EED: variants seen among roughly 807,000 people sequenced by gnomAD.
EED encodes polycomb protein EED.
EED carries 9 observed loss-of-function variants against 61.0 expected under a neutral mutation model. The observed-to-expected ratio is 0.15, with a 90% CI of 0.09 to 0.26. EED has a LOEUF of 0.26. EED is among the 10% of genes least tolerant of loss of function. The pLI, the probability that EED is intolerant of heterozygous loss-of-function variation, is 1.00. For synonymous variants in EED, 187 were observed against 174.4 expected (o/e 1.07, Z -0.57); for missense variants, 315 against 542.3 (o/e 0.58, Z 4.16).
intron 6 of EED, 151 bp downstream of exon 6, chr11:86,257,747 C>A (rs2138164502): frequency 3.4e-6 from 2 of 588,186 alleles, no homozygotes; most frequent in Admixed American, 3.7e-5. Flanking sequence ...CAAAAAAACA[C>A]AACCACAACC....
chr11:86,249,878 G>A (rs1945485345), intron 1 of EED, among the ~76,000 whole-genome samples: 1 of 152,200 alleles, frequency 6.6e-6, no homozygotes, highest in Admixed American at 6.5e-5. Context: ...AATACATTAT[G>A]AAGACATATA....
At chr11:86,246,108 T>G (rs766513396) in intron 1 of EED, among the ~76,000 whole-genome samples, 1 of 152,240 alleles carries the variant, frequency 6.6e-6, no homozygotes, top group African/African-American at 2.4e-5. Flanking sequence ...TGTTTTGCAA[T>G]CAGATTTTTT....
In EED at chr11:86,250,443, C is replaced by A; in HGVS notation, c.262C>A (p.Leu88Ile). The A allele has an allele frequency of 6.3e-7, 1 of 1,588,012 alleles. No homozygotes were observed. The highest frequency in any genetic ancestry group is 8.6e-7 in the Non-Finnish European group (1 of 1,168,712). The change falls in exon 2 of 12, where the codon CTC becomes ATC. Residue 88 changes from leucine (L) to isoleucine (I), a missense_variant. Coordinates refer to ENST00000263360, the MANE Select transcript of EED (RefSeq NM_003797.5). ...ATATTCTTTCAAATGTGTAAATAGT[C>A]TCAAGGTATGTGCAAAAAAAGATCC... is the stretch of plus-strand genomic sequence containing the variant. ...CKYSFKCVNSLKEDHNQPLFG... is the reference protein window; with the variant it reads ...CKYSFKCVNSIKEDHNQPLFG...
intron 6 of EED, among the ~76,000 whole-genome samples, chr11:86,258,178 A>G (rs989512720): frequency 1.3e-5 from 2 of 152,208 alleles, no homozygotes; most frequent in African/African-American, 4.8e-5. Context: ...AAAAGGTTAT[A>G]ACAGTACATT....
chr11:86,255,808 A>C (rs1191676672), intron 4 of EED, among the ~76,000 whole-genome samples: 2 of 152,162 alleles, frequency 1.3e-5, no homozygotes, highest in Non-Finnish European at 2.9e-5. Flanking sequence ...GAAACAGAAA[A>C]ATTTGAAAAG....
intron 3 of EED, among the ~76,000 whole-genome samples, 183 bp downstream of exon 3, chr11:86,252,423 C>A (rs1394646562): frequency 6.6e-6 from 1 of 151,286 alleles, no homozygotes; most frequent in Non-Finnish European, 1.5e-5. Flanking sequence ...GAAAATACAT[C>A]TATATTTAAT....
At chr11:86,286,233 G>T in the EED span, among the ~76,000 whole-genome samples, 1 of 151,586 alleles carries the variant, frequency 6.6e-6, no homozygotes, top group Non-Finnish European at 1.5e-5. Flanking sequence ...TAGAGACGGG[G>T]TTTCGCCATG....
chr11:86,282,050 C>T (rs1321067930), downstream of EED, among the ~76,000 whole-genome samples: 1 of 152,142 alleles, frequency 6.6e-6, no homozygotes, highest in Non-Finnish European at 1.5e-5. Context: ...CAAGCTTCAA[C>T]AATTATCAAT....
Position 86,268,446 on chromosome 11 carries a change from C to A in EED, c.861-10C>A. 1.4e-6 allele frequency: 2 copies of A among 1,454,152 alleles called. No individual in the cohort carries two copies. Among genetic ancestry groups the A allele is most frequent in the Admixed American group, 2.0e-5 (1 of 49,500 alleles). 90.1% of individuals were successfully genotyped at this position (1,454,152 alleles called of 1,614,324 possible). Reference sequence around the variant, plus strand: ...TCTTTTAACTTTTTACATTTCCATTCTTCCTTCAGGCCATTTATTTCTCAG... The same window carrying A: ...TCTTTTAACTTTTTACATTTCCATTATTCCTTCAGGCCATTTATTTCTCAG... On this transcript the variant is annotated splice_polypyrimidine_tract_variant and intron_variant, in intron 8 of 11. Transcript: ENST00000263360.
At chr11:86,262,193 T>A (rs1223415476) in intron 6 of EED, among the ~76,000 whole-genome samples, 1 of 152,162 alleles carries the variant, frequency 6.6e-6, no homozygotes, top group Non-Finnish European at 1.5e-5. Context: ...GCTTTTTTTT[T>A]CTTTACATGG....
downstream of EED, among the ~76,000 whole-genome samples, chr11:86,281,213 G>T (rs2138246655): frequency 6.6e-6 from 1 of 152,300 alleles, no homozygotes; most frequent in Non-Finnish European, 1.5e-5. Context: ...TTTTTGGGAA[G>T]AATGTGAGGA....
chr11:86,285,722 TGAGTAG>T, the EED span, among the ~76,000 whole-genome samples: 1 of 151,976 alleles, frequency 6.6e-6, no homozygotes, highest in Non-Finnish European at 1.5e-5. Flanking sequence ...CTCAGCCTCC[TGAGTAG>T]CTGGGATTAC....
intron 2 of EED, among the ~76,000 whole-genome samples, chr11:86,251,339 C>T (rs532812594): frequency 5.9e-5 from 9 of 152,202 alleles, no homozygotes; most frequent in Admixed American, 3.3e-4. Context: ...TTTACATTAA[C>T]GTACTACTTT....
In EED at chr11:86,246,007, G is replaced by T. The variant is rs140884390; in HGVS notation, c.114+664G>T. On this transcript the variant is annotated intron_variant, in intron 1 of 11. Transcript: ENST00000263360. ...TTGAACGTTTTTACTTAAGATAAAG[G>T]TGAGGGGGGTGGCGACCTGGAAGAT... 5.6e-3 allele frequency among the ~76,000 whole-genome samples: 859 copies of T among 152,294 alleles called. 3 individuals are homozygous for T. The highest frequency in any genetic ancestry group is 9.7e-3 in the Non-Finnish European group (657 of 68,018).
intron 7 of EED, 46 bp from the exon 8 acceptor site, chr11:86,266,037 A>T: frequency 6.6e-7 from 1 of 1,505,324 alleles, no homozygotes; most frequent in Non-Finnish European, 9.0e-7. Flanking sequence ...GGATAAATAT[A>T]ATTTGGAGCT....
intron 2 of EED, 150 bp from the exon 3 acceptor site, chr11:86,251,997 TC>T: frequency 4.2e-6 from 2 of 476,110 alleles, no homozygotes; most frequent in Non-Finnish European, 7.4e-6. Flanking sequence ...CTAGTAGACA[TC>T]TTTTAATTTT....
intron 3 of EED, among the ~76,000 whole-genome samples, chr11:86,254,977 G>A (rs1457042600): frequency 1.3e-5 from 2 of 152,226 alleles, no homozygotes; most frequent in African/African-American, 4.8e-5. Flanking sequence ...GCAATTGAAT[G>A]GATGAAATAT....
At chr11:86,249,383 A>G (rs1374997791) in intron 1 of EED, among the ~76,000 whole-genome samples, 2 of 141,886 alleles carry the variant, frequency 1.4e-5, no homozygotes, top group African/African-American at 2.8e-5. Context: ...ATTTCATGGA[A>G]AAAAAAAAAA....
intron 1 of EED, among the ~76,000 whole-genome samples, chr11:86,246,644 C>T (rs1945398885): frequency 6.6e-6 from 1 of 152,184 alleles, no homozygotes; most frequent in Admixed American, 6.5e-5. Flanking sequence ...CGATTGTGCG[C>T]CCCAATCTCA....
Sources: gnomAD v4.1 joint callset for allele counts (sites outside exome capture counted in the v4.1 genomes callset) on GRCh38, gnomAD v4.1.1 for gene constraint, MANE v1.5 for transcripts, NCBI Gene and HGNC (gene_info 2026-07-23, HGNC 2026-07-21) for gene names.